Variants in CDYL2 observed in about 807,000 individuals in gnomAD.
CDYL2 encodes the protein chromodomain Y-like protein 2.
CDYL2 carries 23 observed loss-of-function variants against 49.4 expected under a neutral mutation model. That is an observed-to-expected ratio of 0.47 (90% CI 0.34 to 0.66). CDYL2 has a LOEUF of 0.66. Ranked by LOEUF, CDYL2 falls within the 30% of genes least tolerant of loss-of-function variation. The pLI is 0.01. For synonymous variants in CDYL2, 360 were observed against 268.8 expected (o/e 1.34, Z -3.32); for missense variants, 678 against 656.4 (o/e 1.03, Z -0.36).
intron 1 of CDYL2, among the ~76,000 whole-genome samples, chr16:80,721,030 G>C (rs1270834762): frequency 6.6e-6 from 1 of 152,126 alleles, no homozygotes; most frequent in Non-Finnish European, 1.5e-5. Context: ...CCTAAGTGCA[G>C]TAAACACATT....
chr16:80,653,725 T>C (rs1023319793), intron 2 of CDYL2, among the ~76,000 whole-genome samples: 10 of 152,206 alleles, frequency 6.6e-5, no homozygotes, highest in Admixed American at 6.5e-5. Flanking sequence ...TAAGCTATTA[T>C]TTTAAAGAAT....
intron 1 of CDYL2, among the ~76,000 whole-genome samples, chr16:80,730,910 G>T (rs893505780): frequency 2.0e-5 from 3 of 152,148 alleles, no homozygotes; most frequent in Non-Finnish European, 2.9e-5. Context: ...AAACTAATCT[G>T]CACTGGCAGA....
intron 1 of CDYL2, 84 bp downstream of exon 1, chr16:80,804,054 GCCCGGCCCCGGC>G: frequency 1.1e-6 from 1 of 877,736 alleles, no homozygotes; most frequent in Non-Finnish European, 1.4e-6. Context: ...TCCGGATTGC[GCCCGGCCCCGGC>G]CCCGGCCCGG....
chr16:80,652,875 C>T (rs1413734527), intron 2 of CDYL2, among the ~76,000 whole-genome samples: 4 of 152,100 alleles, frequency 2.6e-5, no homozygotes, highest in Non-Finnish European at 2.9e-5. Flanking sequence ...ACTCTTTTTA[C>T]GACCATAAAA....
chr16:80,619,263 G>C (rs1257547094), intron 4 of CDYL2, among the ~76,000 whole-genome samples: 1 of 152,166 alleles, frequency 6.6e-6, no homozygotes, highest in African/African-American at 2.4e-5. Flanking sequence ...CATCTGCAAA[G>C]AGCCTTTTTC....
At chr16:80,712,112 T>C (rs1567581005) in intron 1 of CDYL2, among the ~76,000 whole-genome samples, 3 of 145,998 alleles carry the variant, frequency 2.1e-5, no homozygotes, top group Non-Finnish European at 4.5e-5. Flanking sequence ...TATATATGTG[T>C]ATATATGTGT....
intron 1 of CDYL2, among the ~76,000 whole-genome samples, chr16:80,708,847 T>C (rs1904493468): frequency 6.6e-6 from 1 of 152,132 alleles, no homozygotes; most frequent in South Asian, 2.1e-4. Flanking sequence ...CAGACAGGAA[T>C]CTGGTAATGA....
intron 2 of CDYL2, among the ~76,000 whole-genome samples, chr16:80,662,956 T>C (rs1323929187): frequency 6.6e-6 from 1 of 152,028 alleles, no homozygotes; most frequent in Non-Finnish European, 1.5e-5. Flanking sequence ...ACACAAGTCA[T>C]TCTTTGTTGA....
In CDYL2 at chr16:80,772,407, C is replaced by A. The variant is rs368769779; in HGVS notation, c.24+31743G>T. On this transcript the variant is annotated intron_variant, in intron 1 of 6. Coordinates refer to ENST00000570137, the MANE Select transcript of CDYL2 (RefSeq NM_152342.4). ...AAGACAAATGTGGATAAACTGGATT[C>A]AAGATGTCTAAGGTCTCTGAATTGT... 4.3e-4 allele frequency among the ~76,000 whole-genome samples: 65 copies of A among 152,288 alleles called. No individual in the cohort carries two copies. In the Middle Eastern group the frequency reaches 0.01, roughly 24 times the overall value.
chr16:80,764,289 G>C (rs182964786), intron 1 of CDYL2, among the ~76,000 whole-genome samples: 24 of 152,206 alleles, frequency 1.6e-4, no homozygotes, highest in Admixed American at 9.8e-4. Context: ...GTTTTAAAAA[G>C]AAATATATGT....
At chr16:80,758,543 T>A (rs1424520374) in intron 1 of CDYL2, among the ~76,000 whole-genome samples, 1 of 139,808 alleles carries the variant, frequency 7.2e-6, no homozygotes, top group African/African-American at 2.6e-5. Flanking sequence ...CTGCAGCACT[T>A]TTTTTTTTTT....
chr16:80,676,162 G>A (rs1223078941), intron 2 of CDYL2, among the ~76,000 whole-genome samples: 3 of 152,050 alleles, frequency 2.0e-5, no homozygotes, highest in Non-Finnish European at 2.9e-5. Flanking sequence ...AGTTGGACAG[G>A]GTCTTAACAC....
intron 1 of CDYL2, among the ~76,000 whole-genome samples, chr16:80,791,860 TGAGTA>T (rs1907621189): frequency 6.6e-6 from 1 of 152,110 alleles, no homozygotes; most frequent in South Asian, 2.1e-4. Flanking sequence ...GAAAGACTCA[TGAGTA>T]TAGTCCAGAG....
At chr16:80,706,297 C>T (rs1310803178) in intron 1 of CDYL2, among the ~76,000 whole-genome samples, 1 of 152,204 alleles carries the variant, frequency 6.6e-6, no homozygotes, top group Admixed American at 6.5e-5. Flanking sequence ...CCTCCACCCT[C>T]ACACAAGAAT....
chr16:80,720,800 T>C (rs1904972428), intron 1 of CDYL2, among the ~76,000 whole-genome samples: 1 of 152,214 alleles, frequency 6.6e-6, no homozygotes, highest in South Asian at 2.1e-4. Context: ...GGAATCCTGC[T>C]ACCACTTGTA....
chr16:80,670,797 G>T, intron 2 of CDYL2: 1 of 407,492 alleles, frequency 2.5e-6, no homozygotes, highest in South Asian at 1.7e-5. Flanking sequence ...AGGCCTCGAG[G>T]CTGGCGCTCC....
At chr16:80,643,466 G>A (rs1238572600) in intron 2 of CDYL2, among the ~76,000 whole-genome samples, 2 of 152,222 alleles carry the variant, frequency 1.3e-5, no homozygotes, top group Admixed American at 1.3e-4. Context: ...ACTAGGCGGT[G>A]CCTCCACAGG....
intron 2 of CDYL2, among the ~76,000 whole-genome samples, chr16:80,674,382 G>A (rs935573648): frequency 1.3e-5 from 2 of 152,118 alleles, no homozygotes; most frequent in African/African-American, 4.8e-5. Flanking sequence ...TAGGGAAACG[G>A]TAGCTGTTAT....
intron 2 of CDYL2, among the ~76,000 whole-genome samples, chr16:80,636,891 A>G (rs1907854077): frequency 2.0e-5 from 3 of 152,218 alleles, no homozygotes; most frequent in Admixed American, 2.0e-4. Context: ...GGATGAGTTC[A>G]TGTCCTTTGC....
Sources: allele counts gnomAD v4.1 joint callset (sites outside exome capture counted in the v4.1 genomes callset), GRCh38; gene constraint gnomAD v4.1.1; transcripts MANE v1.5; gene names NCBI Gene and HGNC (gene_info 2026-07-23, HGNC 2026-07-21).